Variants in COMMD1 observed in about 807,000 individuals in gnomAD.
COMMD1 encodes copper metabolism domain containing 1, also known as COMM domain-containing protein 1.
A neutral mutation model predicts 17.2 loss-of-function variants in COMMD1; 10 were observed. The ratio of observed to expected loss-of-function variants is 0.58; its 90% CI spans 0.36 to 0.99. The LOEUF (loss-of-function observed/expected upper bound fraction) is 0.99, where lower values mean the gene tolerates loss of function less well. COMMD1 is among the 50% of genes least tolerant of loss of function. COMMD1 has a pLI of 0.01. For missense variants in COMMD1, 270 were observed against 231.8 expected (o/e 1.17, Z -1.07); for synonymous variants, 97 against 91.6 (o/e 1.06, Z -0.34).
intron 2 of COMMD1, among the ~76,000 whole-genome samples, chr2:62,082,235 CT>C (rs1671543679): frequency 6.6e-6 from 1 of 152,182 alleles, no homozygotes; most frequent in South Asian, 2.1e-4. Flanking sequence ...AGAACATAGA[CT>C]TTTTCCAGTT....
chr2:61,981,652 C>T (rs940870961), intron 1 of COMMD1, among the ~76,000 whole-genome samples: 15 of 151,884 alleles, frequency 9.9e-5, no homozygotes, highest in African/African-American at 1.5e-4. Context: ...ACAGTCATGG[C>T]GGAAGGTGAA....
intron 2 of COMMD1, among the ~76,000 whole-genome samples, chr2:62,037,515 C>T (rs1325731729): frequency 1.3e-5 from 2 of 152,092 alleles, no homozygotes; most frequent in Non-Finnish European, 2.9e-5. Context: ...ATGGTAGCTG[C>T]GAGAGGTATC....
chr2:62,056,704 CT>C (rs1558580076), intron 2 of COMMD1, among the ~76,000 whole-genome samples: 1 of 152,190 alleles, frequency 6.6e-6, no homozygotes, highest in Non-Finnish European at 1.5e-5. Flanking sequence ...CCAATCTCAG[CT>C]TTCAAAAGAG....
intron 1 of COMMD1, among the ~76,000 whole-genome samples, chr2:61,957,000 C>T (rs372477879): frequency 6.6e-6 from 1 of 152,268 alleles, no homozygotes; most frequent in Non-Finnish European, 1.5e-5. Context: ...ATCCACCCGC[C>T]TCGGCCTCCC....
chr2:61,975,118 C>CTTTTTTTTTTTTTTTT lies in COMMD1; in HGVS notation c.181-25576_181-25561dup. Among the ~76,000 whole-genome samples, 308 of 80,150 alleles carry CTTTTTTTTTTTTTTTT rather than the reference C, an allele frequency of 3.8e-3. 1 individual carries two copies. The highest frequency in any genetic ancestry group is 4.8e-3 in the Non-Finnish European group (206 of 42,522). 52.6% of individuals were successfully genotyped at this position (80,150 alleles called of 152,430 possible). A position where few individuals can be genotyped will look rare whatever the true frequency, so the allele number is the denominator to read the frequency against. On this transcript the variant is annotated intron_variant, in intron 1 of 2. Transcript: ENST00000311832. Reference sequence around the variant, plus strand: ...TCATGGCTCGATAGCTCATTTCTTTCTTTTTTTTTTTTTTTTTTTTTTGTA... The same window carrying CTTTTTTTTTTTTTTTT: ...TCATGGCTCGATAGCTCATTTCTTTCTTTTTTTTTTTTTTTTTTTTTTTTTTTTTTTTTTTTTTGTA...
At chr2:62,133,725 A>T (rs192551816) in intron 2 of COMMD1, among the ~76,000 whole-genome samples, 1 of 152,224 alleles carries the variant, frequency 6.6e-6, no homozygotes. Context: ...AGTAGATAAG[A>T]GTTATTTTAC....
intron 2 of COMMD1, among the ~76,000 whole-genome samples, chr2:62,090,982 A>G (rs1671810362): frequency 1.3e-5 from 2 of 152,196 alleles, no homozygotes; most frequent in African/African-American, 4.8e-5. Flanking sequence ...TTAAGGTCAC[A>G]TTTACCGTCC....
chr2:62,053,153 G>A (rs1392240005), intron 2 of COMMD1, among the ~76,000 whole-genome samples: 6 of 152,122 alleles, frequency 3.9e-5, no homozygotes, highest in Admixed American at 3.9e-4. Flanking sequence ...GAATACATCA[G>A]AGTATTAAAA....
At chr2:62,067,304 A>G (rs943538620) in intron 2 of COMMD1, among the ~76,000 whole-genome samples, 1 of 152,038 alleles carries the variant, frequency 6.6e-6, no homozygotes, top group South Asian at 2.1e-4. Flanking sequence ...CTTGGTCCTT[A>G]TAAGTACTTA....
chr2:61,971,556 T>G (rs969377559), intron 1 of COMMD1, among the ~76,000 whole-genome samples: 7 of 152,096 alleles, frequency 4.6e-5, no homozygotes, highest in Middle Eastern at 3.4e-3. Context: ...GGTGTGTGTG[T>G]GGGGTACTAT....
At chr2:61,965,517 C>T (rs1671482896) in intron 1 of COMMD1, among the ~76,000 whole-genome samples, 1 of 152,146 alleles carries the variant, frequency 6.6e-6, no homozygotes, top group Admixed American at 6.5e-5. Flanking sequence ...AGTGGGTATC[C>T]TCAGCATGGT....
intron 1 of COMMD1, among the ~76,000 whole-genome samples, chr2:61,954,383 A>G (rs1427023799): frequency 1.3e-5 from 2 of 152,176 alleles, no homozygotes; most frequent in Non-Finnish European, 2.9e-5. Flanking sequence ...TAGCAGATCA[A>G]TTAGTTACAT....
chr2:62,045,880 G>A (rs748913800), intron 2 of COMMD1, among the ~76,000 whole-genome samples: 1 of 150,154 alleles, frequency 6.7e-6, no homozygotes, highest in African/African-American at 2.5e-5. Flanking sequence ...GGGATTACCA[G>A]TGACCACCAC....
At chr2:61,933,592 A>G (rs901409892) in intron 1 of COMMD1, among the ~76,000 whole-genome samples, 14 of 151,948 alleles carry the variant, frequency 9.2e-5, no homozygotes, top group African/African-American at 3.4e-4. Context: ...TGCTTTTCCC[A>G]CACGTGATAC....
intron 1 of COMMD1, among the ~76,000 whole-genome samples, chr2:61,995,740 T>C (rs2103790597): frequency 6.6e-6 from 1 of 152,340 alleles, no homozygotes; most frequent in Admixed American, 6.5e-5. Context: ...CATGGTGCTT[T>C]CAGAAAAATC....
At chr2:61,892,422 G>T (rs55828038) in intron 1 of COMMD1, among the ~76,000 whole-genome samples, 1 of 151,884 alleles carries the variant, frequency 6.6e-6, no homozygotes, top group African/African-American at 2.4e-5. Context: ...GGCCAGGTGC[G>T]GTGGCTCATG....
chr2:61,897,211 T>C (rs1041562678), intron 1 of COMMD1, among the ~76,000 whole-genome samples: 5 of 152,186 alleles, frequency 3.3e-5, no homozygotes, highest in Non-Finnish European at 5.9e-5. Context: ...TGAATTCTTA[T>C]CTTCCTGGTC....
intron 1 of COMMD1, among the ~76,000 whole-genome samples, chr2:61,919,119 C>T (rs1670119996): frequency 6.6e-6 from 1 of 152,048 alleles, no homozygotes; most frequent in Non-Finnish European, 1.5e-5. Context: ...TTAAGCGATT[C>T]TCCTGCCTCA....
chr2:62,067,440 C>T (rs1671084242), intron 2 of COMMD1, among the ~76,000 whole-genome samples: 1 of 151,942 alleles, frequency 6.6e-6, no homozygotes, highest in Non-Finnish European at 1.5e-5. Flanking sequence ...TTCCCCAAGC[C>T]CCATAGAGTT....
Sources: allele counts gnomAD v4.1 joint callset (sites outside exome capture counted in the v4.1 genomes callset), GRCh38; gene constraint gnomAD v4.1.1; transcripts MANE v1.5; gene names NCBI Gene and HGNC (gene_info 2026-07-23, HGNC 2026-07-21).